The following DUT variants were observed in gnomAD, a reference collection of about 807,000 sequenced individuals.
DUT encodes deoxyuridine 5'-triphosphate nucleotidohydrolase, mitochondrial.
In DUT, 21 loss-of-function variants were observed where a neutral mutation model predicts 28.8. The observed-to-expected ratio is 0.73, with a 90% CI of 0.52 to 1.05. The LOEUF (loss-of-function observed/expected upper bound fraction) is 1.05. DUT is among the 50% of genes least tolerant of loss of function. The pLI, the probability that DUT is intolerant of heterozygous loss-of-function variation, is 0.00. For missense variants in DUT, 344 were observed against 351.8 expected (o/e 0.98, Z 0.18); for synonymous variants, 147 against 143.7 (o/e 1.02, Z -0.17).
At chr15:48,334,312 T>C in intron 2 of DUT, 105 bp from the exon 3 acceptor site, 1 of 640,910 alleles carries the variant, frequency 1.6e-6, no homozygotes, top group Non-Finnish European at 2.5e-6. Flanking sequence ...GTTGCATTAA[T>C]TCATTAAATA....
chr15:48,331,213 G>A, upstream of DUT: 1 of 1,515,062 alleles, frequency 6.6e-7, no homozygotes, highest in South Asian at 1.2e-5. Flanking sequence ...CAGGAGCAGG[G>A]CCCGGGCCTG....
chr15:48,335,396 G>T (rs779391630), intron 3 of DUT, among the ~76,000 whole-genome samples: 1 of 152,026 alleles, frequency 6.6e-6, no homozygotes, highest in South Asian at 2.1e-4. Flanking sequence ...TACTAGCATT[G>T]AATCATTGAG....
At chr15:48,339,182 C>A (rs2042505158) in intron 4 of DUT, among the ~76,000 whole-genome samples, 1 of 151,926 alleles carries the variant, frequency 6.6e-6, no homozygotes, top group Non-Finnish European at 1.5e-5. Context: ...GAATGGCTAA[C>A]ATTTACATAT....
rs34176493 is a variant in DUT, at chr15:48,342,122, T to TAA, written c.*58_*59dup. The TAA allele has an allele frequency of 9.9e-4, 1,098 of 1,104,848 alleles. No individual in the cohort carries two copies. Among genetic ancestry groups the TAA allele is most frequent in the South Asian group, 1.7e-3 (87 of 50,002 alleles). 68.4% of individuals were successfully genotyped at this position (1,104,848 alleles called of 1,614,324 possible). A position where few individuals can be genotyped will look rare whatever the true frequency, so the allele number is the denominator to read the frequency against. On this transcript the variant is annotated 3_prime_UTR_variant, in exon 7 of 7. Coordinates refer to ENST00000331200, the MANE Select transcript of DUT (RefSeq NM_001025248.2). Reference sequence around the variant, plus strand: ...AAAACAAGAAGTCATACCTTTTTCTTAAAAAAAAAAAAAAAGTTTTTGCTT... The same window carrying TAA: ...AAAACAAGAAGTCATACCTTTTTCTTAAAAAAAAAAAAAAAAAGTTTTTGCTT...
chr15:48,331,312 A>T, upstream of DUT: 1 of 1,442,850 alleles, frequency 6.9e-7, no homozygotes, highest in Admixed American at 2.9e-5. Context: ...GCAAGACTCA[A>T]GACGCCAACG....
intron 2 of DUT, chr15:48,332,669 T>C: frequency 1.5e-6 from 1 of 652,718 alleles, no homozygotes; most frequent in Non-Finnish European, 2.8e-6. Context: ...AAATAGAAGA[T>C]AGAGAGGAAG....
chr15:48,336,188 A>G, intron 4 of DUT, 98 bp downstream of exon 4: 1 of 1,039,364 alleles, frequency 9.6e-7, no homozygotes, highest in Non-Finnish European at 1.4e-6. Context: ...TTAAGAAAAG[A>G]AAATGATTAG....
intron 1 of DUT, 147 bp from the exon 2 acceptor site, chr15:48,332,121 G>C (rs1030794221): frequency 1.6e-5 from 22 of 1,397,456 alleles, no homozygotes; most frequent in Middle Eastern, 2.6e-4. Flanking sequence ...CTGTGGACTC[G>C]TCCCGGGGAG....
intron 3 of DUT, among the ~76,000 whole-genome samples, chr15:48,334,712 CCTCACTGGAGCTTTTAGG>C (rs2141160486): frequency 6.6e-6 from 1 of 152,326 alleles, no homozygotes; most frequent in African/African-American, 2.4e-5. Flanking sequence ...TTTTCTCCTT[CCTCACTGGAGCTTTTAGG>C]CTCACACTGG....
At chr15:48,336,628 T>C (rs1002737210) in intron 4 of DUT, among the ~76,000 whole-genome samples, 5 of 152,238 alleles carry the variant, frequency 3.3e-5, no homozygotes, top group African/African-American at 4.8e-5. Flanking sequence ...ACTCCTCTTA[T>C]TGTAAGGAAA....
chr15:48,331,143 C>G (rs2042400846), upstream of DUT: 3 of 1,334,274 alleles, frequency 2.2e-6, no homozygotes, highest in Non-Finnish European at 2.9e-6. Context: ...CTTAGGGCGC[C>G]GCTAAACTCA....
chr15:48,337,614 CT>C (rs2042489206), intron 4 of DUT, among the ~76,000 whole-genome samples: 1 of 152,120 alleles, frequency 6.6e-6, no homozygotes, highest in Non-Finnish European at 1.5e-5. Context: ...GAAACTTTTT[CT>C]TTTATTCGAC....
chr15:48,340,572 G>A (rs538089891), intron 4 of DUT, among the ~76,000 whole-genome samples: 2 of 152,140 alleles, frequency 1.3e-5, no homozygotes, highest in South Asian at 4.2e-4. Flanking sequence ...TAACTCTCTG[G>A]GCTATGTCAG....
At chr15:48,340,258 A>C (rs2042519231) in intron 4 of DUT, 1 of 152,116 alleles carries the variant, frequency 6.6e-6, no homozygotes, top group Non-Finnish European at 1.5e-5. Flanking sequence ...GAAAGAATTA[A>C]CGTGTATAGC....
rs1467352052 is a variant in DUT, at chr15:48,331,823, C to A, written c.280+28C>A. 2.3e-6 allele frequency: 3 copies of A among 1,296,672 alleles called. No homozygotes were observed. The South Asian group carries it at 5.6e-5, about 24-fold the overall frequency. The allele number at this position is 1,296,672 out of a possible 1,614,324, so 80.3% of individuals were successfully genotyped here. ...AGGAAAGGCGGGGGAGGGGCTCCGG[C>A]CGTCTGGAAGGAATCCACGCGGCTT... On this transcript the variant is annotated intron_variant, in intron 1 of 6. Transcript: ENST00000331200.
At chr15:48,341,613 T>C in intron 6 of DUT, 28 bp downstream of exon 6, 1 of 1,534,174 alleles carries the variant, frequency 6.5e-7, no homozygotes, top group East Asian at 2.3e-5. Context: ...AGATACAGAA[T>C]AAGTAATATA....
intron 4 of DUT, among the ~76,000 whole-genome samples, chr15:48,338,829 A>G (rs2141165857): frequency 6.6e-6 from 1 of 152,320 alleles, no homozygotes; most frequent in East Asian, 1.9e-4. Context: ...TATGCAAGAG[A>G]ATAGTTACAT....
chr15:48,341,369 T>G lies in DUT; in HGVS notation c.631+6T>G. The G allele has an allele frequency of 6.3e-7, 1 of 1,598,256 alleles. No homozygotes were observed. The highest frequency in any genetic ancestry group is 8.6e-7 in the Non-Finnish European group (1 of 1,166,338). On this transcript the variant is annotated splice_donor_region_variant and intron_variant, in intron 5 of 6. Coordinates refer to ENST00000331200, the MANE Select transcript of DUT (RefSeq NM_001025248.2). ...TGGCAAAGAAAAGTTTGAAGGTATG[T>G]TAAATATATACATTCACATAATTTT...
chr15:48,339,638 G>T (rs2042511255), intron 4 of DUT, among the ~76,000 whole-genome samples: 2 of 152,124 alleles, frequency 1.3e-5, no homozygotes, highest in Non-Finnish European at 1.5e-5. Flanking sequence ...TCAACTGACG[G>T]TGGAGAAATA....
Sources: gnomAD v4.1 joint callset for allele counts (sites outside exome capture counted in the v4.1 genomes callset) on GRCh38, gnomAD v4.1.1 for gene constraint, MANE v1.5 for transcripts, NCBI Gene and HGNC (gene_info 2026-07-23, HGNC 2026-07-21) for gene names.